Variants in SORCS3 observed in about 807,000 individuals in gnomAD.
SORCS3 encodes VPS10 domain-containing receptor SorCS3.
SORCS3 carries 57 observed loss-of-function variants against 146.3 expected under a neutral mutation model. The ratio of observed to expected loss-of-function variants is 0.39; its 90% confidence interval spans 0.31 to 0.49. SORCS3 has a LOEUF of 0.49. Ranked by LOEUF, SORCS3 falls within the 20% of genes least tolerant of loss-of-function variation. The pLI, the probability that SORCS3 is intolerant of heterozygous loss-of-function variation, is 0.92. For synonymous variants in SORCS3, 653 were observed against 618.5 expected, an observed-to-expected ratio of 1.06 and a Z score of -0.83; for missense variants, 1,341 against 1,575.5, an observed-to-expected ratio of 0.85 and a Z score of 2.52.
At position 104,703,715 on chromosome 10, in the gene SORCS3, T is replaced by TG. The variant is rs550333469; in HGVS notation, c.627+61761_627+61762insG. 8.1e-5 allele frequency among the ~76,000 whole-genome samples: 12 copies of TG among 148,988 alleles called. No individual in the cohort carries two copies. The East Asian group carries it at 2.1e-3, about 27-fold the overall frequency. Reference sequence around the variant, plus strand: ...CACATTCTGCACATGTATCCTGTTTTTTTTTTTTTTTTTAAGAAGAAATGA... The same window carrying TG: ...CACATTCTGCACATGTATCCTGTTTTGTTTTTTTTTTTTTAAGAAGAAATGA... On this transcript the variant is annotated intron_variant, in intron 1 of 26. Coordinates refer to ENST00000369701, the MANE Select transcript of SORCS3 (RefSeq NM_014978.3).
At chr10:104,977,582 A>T in intron 4 of SORCS3, 89 bp downstream of exon 4, 1 of 1,261,832 alleles carries the variant, frequency 7.9e-7, no homozygotes, top group East Asian at 2.5e-5. Flanking sequence ...TTTTGGAGGG[A>T]ATTCAGTGAC....
At chr10:105,163,763 C>T (rs2056286870) in intron 11 of SORCS3, among the ~76,000 whole-genome samples, 1 of 152,044 alleles carries the variant, frequency 6.6e-6, no homozygotes. Context: ...TGGTCATCTT[C>T]TTCTGGGCAC....
At chr10:104,720,349 G>A (rs2016531765) in intron 1 of SORCS3, among the ~76,000 whole-genome samples, 1 of 152,116 alleles carries the variant, frequency 6.6e-6, no homozygotes, top group Non-Finnish European at 1.5e-5. Context: ...GTGTATATGT[G>A]CCACATTTTC....
At chr10:104,870,879 G>A (rs951765138) in intron 2 of SORCS3, among the ~76,000 whole-genome samples, 1 of 152,192 alleles carries the variant, frequency 6.6e-6, no homozygotes, top group African/African-American at 2.4e-5. Context: ...CTTCTGACTA[G>A]GTTGTCAACC....
intron 25 of SORCS3, 32 bp from the exon 26 acceptor site, chr10:105,262,297 GAT>G: frequency 2.5e-6 from 4 of 1,598,698 alleles, no homozygotes; most frequent in Non-Finnish European, 3.4e-6. Context: ...CACACCCTGT[GAT>G]CTTAACCTGA....
Position 105,099,626 on chromosome 10 carries a change from A to G in SORCS3, c.1094-5771A>G, listed in dbSNP as rs181012148. Among the ~76,000 whole-genome samples the G allele has an allele frequency of 8.7e-3, 1,326 of 152,310 alleles. 8 individuals are homozygous for G. The highest frequency in any genetic ancestry group is 0.014 in the Non-Finnish European group (941 of 68,024). ...CTGGTAAAGAGGTGATCCTTTTGGA[A>G]AGGTATGGCAGAACCAGAACTGGAC... On this transcript the variant is annotated intron_variant, in intron 6 of 26. Transcript: ENST00000369701.
intron 4 of SORCS3, among the ~76,000 whole-genome samples, chr10:104,984,340 A>G (rs1331051392): frequency 6.6e-6 from 1 of 152,236 alleles, no homozygotes; most frequent in Admixed American, 6.5e-5. Flanking sequence ...TTCAGTTTTT[A>G]AAATGTATCA....
intron 5 of SORCS3, among the ~76,000 whole-genome samples, chr10:105,087,953 G>T (rs1331899186): frequency 6.6e-6 from 1 of 152,180 alleles, no homozygotes; most frequent in East Asian, 1.9e-4. Flanking sequence ...ACCTCCCAGG[G>T]CTGTCATTAG....
chr10:104,653,527 G>A (rs1225517614), intron 1 of SORCS3, among the ~76,000 whole-genome samples: 1 of 152,136 alleles, frequency 6.6e-6, no homozygotes, highest in Non-Finnish European at 1.5e-5. Flanking sequence ...GCATGGGAAT[G>A]TCTTGGTTTA....
intron 1 of SORCS3, among the ~76,000 whole-genome samples, chr10:104,764,326 A>G (rs897418734): frequency 1.3e-5 from 2 of 152,132 alleles, no homozygotes; most frequent in African/African-American, 4.8e-5. Flanking sequence ...GGGGCTTCAG[A>G]TTATGTATTT....
In SORCS3 at chr10:105,263,357, A is replaced by G. The variant is rs1218661563; in HGVS notation, c.3652A>G (p.Asn1218Asp). The change falls in exon 27 of 27, where the codon AAC becomes GAC. Residue 1218 changes from asparagine to aspartate, a missense_variant. Coordinates refer to ENST00000369701, the MANE Select transcript of SORCS3 (RefSeq NM_014978.3). ...CAGCGAAAGCACAAAGGAGATCCCC[A>G]ACTGCACTAGTGTTTAATACCAGCA... Reference protein sequence around the residue: ...ANSESTKEIPNCTSV With the variant: ...ANSESTKEIPDCTSV The G allele has an allele frequency of 1.2e-6, 2 of 1,614,054 alleles. No homozygotes were observed. The highest frequency in any genetic ancestry group is 8.5e-7 in the Non-Finnish European group (1 of 1,179,940).
chr10:104,938,827 C>A (rs751834469), intron 3 of SORCS3, among the ~76,000 whole-genome samples: 30 of 152,172 alleles, frequency 2.0e-4, no homozygotes, highest in Non-Finnish European at 3.8e-4. Flanking sequence ...TGCTGCCTTG[C>A]GGGGGAAGCC....
intron 2 of SORCS3, among the ~76,000 whole-genome samples, chr10:104,878,306 A>G (rs1354203122): frequency 6.6e-6 from 1 of 152,184 alleles, no homozygotes; most frequent in Non-Finnish European, 1.5e-5. Flanking sequence ...ATAAATTAAT[A>G]AAACAACATA....
At chr10:105,248,967 T>A (rs2056883391) in intron 22 of SORCS3, among the ~76,000 whole-genome samples, 1 of 152,198 alleles carries the variant, frequency 6.6e-6, no homozygotes, top group Non-Finnish European at 1.5e-5. Context: ...CCCATTCTGG[T>A]GGCAATGCAT....
At chr10:104,799,681 CT>C (rs35296777) in intron 1 of SORCS3, among the ~76,000 whole-genome samples, 59 of 147,392 alleles carry the variant, frequency 4.0e-4, no homozygotes, top group Non-Finnish European at 4.1e-4. Flanking sequence ...TAACCCAGAA[CT>C]TTTTTTTTTT....
At chr10:104,642,687 A>G (rs1383487876) in intron 1 of SORCS3, among the ~76,000 whole-genome samples, 1 of 152,194 alleles carries the variant, frequency 6.6e-6, no homozygotes, top group African/African-American at 2.4e-5. Context: ...ACGCACGCAC[A>G]GGCACACGGA....
chr10:105,244,107 A>T (rs2056852232), intron 20 of SORCS3, among the ~76,000 whole-genome samples: 1 of 152,136 alleles, frequency 6.6e-6, no homozygotes, highest in Non-Finnish European at 1.5e-5. Context: ...GCTGCCTTAG[A>T]TCAGCCTCCA....
chr10:105,087,697 G>A (rs1023148646), intron 5 of SORCS3, among the ~76,000 whole-genome samples: 1 of 152,064 alleles, frequency 6.6e-6, no homozygotes, highest in African/African-American at 2.4e-5. Flanking sequence ...AGGTCCCAAT[G>A]GTTCAAAAAT....
Position 104,881,368 on chromosome 10 carries a change from G to C in SORCS3, c.696-34465G>C, listed in dbSNP as rs551470212. Among the ~76,000 whole-genome samples, 175 of 152,288 alleles carry C rather than the reference G, an allele frequency of 1.1e-3. 1 individual carries two copies. The highest frequency in any genetic ancestry group is 2.6e-3 in the Admixed American group (40 of 15,300). ...GTCTATTTGTGAACTCTAGCTCAGT[G>C]CTTTGCTGGAGGGAAAAAGTTGGGA... On this transcript the variant is annotated intron_variant, in intron 2 of 26. Transcript: ENST00000369701.
Sources: gnomAD v4.1 joint callset for allele counts (sites outside exome capture counted in the v4.1 genomes callset) on GRCh38, gnomAD v4.1.1 for gene constraint, MANE v1.5 for transcripts, NCBI Gene and HGNC (gene_info 2026-07-23, HGNC 2026-07-21) for gene names.